Variants in KAZN observed in about 807,000 individuals in gnomAD.
KAZN encodes kazrin, periplakin interacting protein.
KAZN carries 40 observed loss-of-function variants against 87.4 expected under a neutral mutation model. The observed-to-expected ratio is 0.46, with a 90% CI of 0.36 to 0.60. The LOEUF (loss-of-function observed/expected upper bound fraction) is 0.60. Among genes scored for constraint, KAZN ranks in the 20% least tolerant of loss-of-function variants. The pLI is 0.00. For synonymous variants in KAZN, 466 were observed against 458.3 expected (o/e 1.02, Z -0.22); for missense variants, 898 against 1,073.9 (o/e 0.84, Z 2.29).
intron 1 of KAZN, among the ~76,000 whole-genome samples, chr1:14,620,140 T>C (rs978676686): frequency 6.6e-6 from 1 of 152,210 alleles, no homozygotes; most frequent in African/African-American, 2.4e-5. Context: ...TATATGCGTA[T>C]TTTACACGTG....
intron 2 of KAZN, among the ~76,000 whole-genome samples, chr1:14,509,399 T>G (rs1670781925): frequency 6.6e-6 from 1 of 152,176 alleles, no homozygotes; most frequent in South Asian, 2.1e-4. Flanking sequence ...GCATGGTCTT[T>G]CCACCAACCA....
At chr1:15,015,594 G>T (rs899411471) in intron 2 of KAZN, among the ~76,000 whole-genome samples, 1 of 152,172 alleles carries the variant, frequency 6.6e-6, no homozygotes, top group Admixed American at 6.5e-5. Flanking sequence ...GAGCTGCAGG[G>T]ATCTGGGGCT....
rs551995408 is a variant in KAZN at position 15,081,280 on chromosome 1, G to A, written c.1223-12900G>A. ...ACTCCACGTCCAGTGACAGCCTGCC[G>A]GTCACTGAAATTGGCCACAATAGGA... On this transcript the variant is annotated intron_variant, in intron 8 of 14. Transcript: ENST00000376030. This position sits in a 1 kb window ranked among gnomAD's most constrained non-coding sequence, Gnocchi z 4.1. 1.3e-5 allele frequency among the ~76,000 whole-genome samples: 2 copies of A among 152,196 alleles called. No individual in the cohort carries two copies. The highest frequency in any genetic ancestry group is 2.9e-5 in the Non-Finnish European group (2 of 68,034).
At chr1:14,271,589 T>C (rs1651936707) in intron 2 of KAZN, among the ~76,000 whole-genome samples, 1 of 152,224 alleles carries the variant, frequency 6.6e-6, no homozygotes, top group Non-Finnish European at 1.5e-5. Flanking sequence ...GTATATTCTG[T>C]CTATTTCCTC....
At chr1:14,944,165 G>A (rs2101658628) in intron 1 of KAZN, among the ~76,000 whole-genome samples, 1 of 146,134 alleles carries the variant, frequency 6.8e-6, no homozygotes, top group African/African-American at 2.5e-5. Context: ...TCTGTCTTCA[G>A]ACATAAAGGT....
Position 15,066,016 on chromosome 1 carries a change from G to T in KAZN, c.1222+263G>T, listed in dbSNP as rs919930109. The T allele has an allele frequency of 7.8e-7, 1 of 1,286,076 alleles. No individual in the cohort carries two copies. Among genetic ancestry groups the T allele is most frequent in the East Asian group, 3.1e-5 (1 of 31,886 alleles). The allele number at this position is 1,286,076 out of a possible 1,614,324, so 79.7% of individuals were successfully genotyped here. A position where few individuals can be genotyped will look rare whatever the true frequency, so the allele number is the denominator to read the frequency against. On this transcript the variant is annotated intron_variant, in intron 8 of 14. Coordinates refer to ENST00000376030, the MANE Select transcript of KAZN (RefSeq NM_201628.3). The surrounding 1 kb of genome is among the most constrained non-coding windows in gnomAD (Gnocchi z 4.3). ...CACCTCTGTAATTGATGTACATACC[G>T]CAAACCGTGTGTGAACCTGTCAACT...
rs182516514 is a variant in KAZN, at chr1:15,025,148, C to G, written c.419-9601C>G. Among the ~76,000 whole-genome samples the G allele has an allele frequency of 4.4e-3, 557 of 125,518 alleles. 2 individuals carry two copies. The highest frequency in any genetic ancestry group is 7.9e-3 in the Non-Finnish European group (455 of 57,680). The allele number at this position is 125,518 out of a possible 152,430, so 82.3% of individuals were successfully genotyped here. On this transcript the variant is annotated intron_variant, in intron 2 of 14. Coordinates refer to ENST00000376030, the MANE Select transcript of KAZN (RefSeq NM_201628.3). ...AGCAGTGAACAGGACAGACCAGGTC[C>G]CTGCCCTCCAGGAACTTAATATCAC...
intron 1 of KAZN, among the ~76,000 whole-genome samples, chr1:14,002,863 C>G (rs764948977): frequency 3.3e-5 from 5 of 151,994 alleles, no homozygotes; most frequent in Non-Finnish European, 5.9e-5. Flanking sequence ...GAGTATATAC[C>G]CAAAGGAATA....
intron 2 of KAZN, among the ~76,000 whole-genome samples, chr1:14,231,695 A>C (rs922935839): frequency 6.6e-6 from 1 of 152,236 alleles, no homozygotes; most frequent in African/African-American, 2.4e-5. Flanking sequence ...TGTACCAATT[A>C]GGACTCAGAA....
intron 1 of KAZN, among the ~76,000 whole-genome samples, chr1:14,878,612 G>A (rs1233760896): frequency 6.6e-6 from 1 of 152,140 alleles, no homozygotes; most frequent in Non-Finnish European, 1.5e-5. Context: ...TAAATTTTGT[G>A]GTGAAAACCC....
intron 1 of KAZN, among the ~76,000 whole-genome samples, chr1:14,696,994 T>G (rs946925346): frequency 6.6e-5 from 10 of 151,644 alleles, no homozygotes; most frequent in Admixed American, 5.3e-4. Context: ...ACCCTTCTCC[T>G]ATGAAAAAGA....
Position 15,094,300 on chromosome 1 carries a change from C to T in KAZN, c.1343C>T (p.Ala448Val), listed in dbSNP as rs369808373. ...VRTTPMSHWKAGTVQAWLEVV... is the reference protein window; with the variant it reads ...VRTTPMSHWKVGTVQAWLEVV... ...ACCACCCCTATGTCCCACTGGAAGG[C>T]GGGCACCGTCCAGGCCTGGCTGGAG... Residue 448 changes from alanine to valine, a missense_variant, in exon 9 of 15, where the codon GCG becomes GTG. By Grantham distance (64) the Ala-to-Val change is moderately conservative. Around this residue, in one of 3 missense-constraint regions of KAZN, gnomAD observed 521 missense variants for 689.4 expected, o/e 0.76. Transcript: ENST00000376030. The surrounding 1 kb of genome is among the most constrained non-coding windows in gnomAD (Gnocchi z 4.5). 1.3e-5 allele frequency: 21 copies of T among 1,613,838 alleles called. No individual in the cohort carries two copies. The highest frequency in any genetic ancestry group is 1.8e-5 in the Non-Finnish European group (21 of 1,179,878).
chr1:14,266,499 A>G (rs1016544614), intron 2 of KAZN, among the ~76,000 whole-genome samples: 8 of 152,224 alleles, frequency 5.3e-5, no homozygotes, highest in African/African-American at 1.9e-4. Context: ...AGCATCACCA[A>G]ACTTCTAAAT....
At chr1:14,027,375 TCCCTAAAC>T (rs1641124602) in intron 1 of KAZN, among the ~76,000 whole-genome samples, 1 of 152,144 alleles carries the variant, frequency 6.6e-6, no homozygotes. Context: ...ATGCCATAGC[TCCCTAAAC>T]CCCATGCCTC....
intron 5 of KAZN, among the ~76,000 whole-genome samples, chr1:15,058,351 G>T (rs555011148): frequency 3.6e-4 from 55 of 152,342 alleles, no homozygotes; most frequent in African/African-American, 1.2e-3. Flanking sequence ...CAAAGCCAGG[G>T]CTCCTTCAGC....
intron 2 of KAZN, among the ~76,000 whole-genome samples, chr1:14,514,477 T>C (rs559210069): frequency 4.8e-5 from 1 of 21,034 alleles, no homozygotes; most frequent in Non-Finnish European, 1.1e-4. Flanking sequence ...TATAAATATT[T>C]TATATAAATA....
At chr1:14,459,717 T>G (rs1667758861) in intron 2 of KAZN, among the ~76,000 whole-genome samples, 1 of 152,142 alleles carries the variant, frequency 6.6e-6, no homozygotes, top group African/African-American at 2.4e-5. Context: ...AGAACTGGAA[T>G]GTTCTAACCT....
intron 1 of KAZN, among the ~76,000 whole-genome samples, chr1:14,704,224 G>A (rs1245194231): frequency 1.3e-5 from 2 of 152,224 alleles, no homozygotes; most frequent in African/African-American, 4.8e-5. Context: ...TAGGGAAGAA[G>A]TGTCTCCCAT....
At chr1:15,109,945 GTGTA>G (rs1641453752) in intron 13 of KAZN, among the ~76,000 whole-genome samples, 5 of 151,224 alleles carry the variant, frequency 3.3e-5, no homozygotes, top group Admixed American at 1.3e-4. Flanking sequence ...GTGTGTGTTT[GTGTA>G]TGTGTTTGTA....
Sources: gnomAD v4.1 joint callset for allele counts (sites outside exome capture counted in the v4.1 genomes callset) on GRCh38, gnomAD v4.1.1 for gene constraint, gnomAD v4.1.1 regional missense constraint, Gnocchi (gnomAD v3.1) non-coding constraint, MANE v1.5 for transcripts, NCBI Gene and HGNC (gene_info 2026-07-23, HGNC 2026-07-21) for gene names.